MTMR3: variants seen among roughly 807,000 people sequenced by gnomAD.
MTMR3 encodes myotubularin related protein 3, also known as phosphatidylinositol-3,5-bisphosphate 3-phosphatase MTMR3.
Under a neutral mutation model 132.4 loss-of-function variants are expected in MTMR3, and 32 were observed. The ratio of observed to expected loss-of-function variants is 0.24; its 90% CI spans 0.18 to 0.32. The LOEUF (loss-of-function observed/expected upper bound fraction) is 0.32. Ranked by LOEUF, MTMR3 falls within the 10% of genes least tolerant of loss-of-function variation. The pLI, the probability that MTMR3 is intolerant of heterozygous loss-of-function variation, is 1.00. For missense variants in MTMR3, 1,216 were observed against 1,489.6 expected, an observed-to-expected ratio of 0.82 and a Z score of 3.02; for synonymous variants, 556 against 550.3, an observed-to-expected ratio of 1.01 and a Z score of -0.14.
intron 13 of MTMR3, 191 bp downstream of exon 13, chr22:30,012,754 C>T (rs1197864076): frequency 1.9e-6 from 1 of 535,990 alleles, no homozygotes; most frequent in African/African-American, 1.9e-5. Flanking sequence ...TAAAATGGGG[C>T]AGATTATGGG....
chr22:29,891,432 A>G (rs2064799024), intron 1 of MTMR3, among the ~76,000 whole-genome samples: 1 of 150,650 alleles, frequency 6.6e-6, no homozygotes, highest in Admixed American at 6.6e-5. Context: ...GTGTATGTAT[A>G]ATATGTATAT....
chr22:29,925,610 C>CA (rs1045740876), intron 1 of MTMR3, among the ~76,000 whole-genome samples: 1 of 150,944 alleles, frequency 6.6e-6, no homozygotes, highest in African/African-American at 2.4e-5. Context: ...CCATAAAACT[C>CA]AGTCTTTTAA....
Position 30,018,061 on chromosome 22 carries a change from C to T in MTMR3, c.1809C>T (p.Pro603=), listed in dbSNP as rs1434078910. 1.2e-6 allele frequency: 2 copies of T among 1,607,754 alleles called. No individual in the cohort carries two copies. The highest frequency in any genetic ancestry group is 1.7e-6 in the Non-Finnish European group (2 of 1,178,096). The change falls in exon 16 of 20, where the codon CCC becomes CCT. Residue 603 remains proline (P), a synonymous_variant. Transcript: ENST00000401950. ...CCCCAGGCACCAGCCCTGATGATCC[C>T]CCCCTGAGCCGGTGAGCCCAGGGTG... ...YPAPGTSPDD[P]PLSRLPKTRS...
intron 2 of MTMR3, among the ~76,000 whole-genome samples, chr22:29,968,179 T>A (rs746379268): frequency 2.4e-4 from 36 of 152,232 alleles, no homozygotes; most frequent in Non-Finnish European, 3.5e-4. Flanking sequence ...TCCTCAGAGG[T>A]TGTACCACTT....
chr22:29,894,888 G>A (rs966166543), intron 1 of MTMR3, among the ~76,000 whole-genome samples: 5 of 152,134 alleles, frequency 3.3e-5, no homozygotes, highest in African/African-American at 1.2e-4. Context: ...TAAGACATTT[G>A]TTATTATCGG....
Position 29,988,883 on chromosome 22 carries a change from G to A in MTMR3, c.293+321G>A, listed in dbSNP as rs187972036. 1.3e-4 allele frequency: 21 copies of A among 163,744 alleles called. No individual in the cohort carries two copies. In the East Asian group the frequency reaches 1.6e-3, roughly 12 times the overall value. 10.1% of individuals were successfully genotyped at this position (163,744 alleles called of 1,614,324 possible). A position where few individuals can be genotyped will look rare whatever the true frequency, so the allele number is the denominator to read the frequency against. ...CATTTGCTTTATTATTTGCAGAGGC[G>A]TGTGTGTATGTGTGTGTGTGTTTCT... On this transcript the variant is annotated intron_variant, in intron 6 of 19. Coordinates refer to ENST00000401950, the MANE Select transcript of MTMR3 (RefSeq NM_021090.4).
At chr22:29,966,722 TGTGC>T (rs200903760) in intron 2 of MTMR3, among the ~76,000 whole-genome samples, 1 of 98,350 alleles carries the variant, frequency 1.0e-5, no homozygotes, top group Admixed American at 1.0e-4. Flanking sequence ...CCTGTAGGGG[TGTGC>T]GTGTGTGTGT....
At chr22:29,902,602 T>C (rs2065022932) in intron 1 of MTMR3, among the ~76,000 whole-genome samples, 2 of 151,886 alleles carry the variant, frequency 1.3e-5, no homozygotes. Flanking sequence ...CTCCTGACCT[T>C]GTGATCCGCC....
rs931573053 is a variant in MTMR3, at chr22:30,028,268, G to C, written c.*2467G>C. ...GAGTGGAAGGAGATGTGGGGTGGGG[G>C]TGAGAAAATGCTTCTGCCTGTTGTT... On this transcript the variant is annotated 3_prime_UTR_variant, in exon 20 of 20. Coordinates refer to ENST00000401950, the MANE Select transcript of MTMR3 (RefSeq NM_021090.4). The C allele has an allele frequency of 1.3e-5, 2 of 152,418 alleles. No individual in the cohort carries two copies. The highest frequency in any genetic ancestry group is 4.8e-5 in the African/African-American group (2 of 41,454). 9.4% of individuals were successfully genotyped at this position (152,418 alleles called of 1,614,324 possible).
chr22:29,905,233 A>T (rs1021287566), intron 1 of MTMR3, among the ~76,000 whole-genome samples: 1 of 152,148 alleles, frequency 6.6e-6, no homozygotes, highest in African/African-American at 2.4e-5. Context: ...GCCCCTGTGG[A>T]ACCTGCCTAT....
At position 30,008,203 on chromosome 22, in the gene MTMR3, T is replaced by A. The variant is rs116972353; in HGVS notation, c.1009+171T>A. The stretch of plus-strand genomic sequence containing the variant: ...ATTCTTAACACTGTATGTTCTTTTC[T>A]GAGGAGAAATGGAGGAGGAGGTGCA... On this transcript the variant is annotated intron_variant, in intron 11 of 19. Coordinates refer to ENST00000401950, the MANE Select transcript of MTMR3 (RefSeq NM_021090.4). 1.3e-4 allele frequency: 104 copies of A among 790,250 alleles called. No individual in the cohort carries two copies. In the East Asian group the frequency reaches 2.6e-3, roughly 20 times the overall value. The allele number at this position is 790,250 out of a possible 1,614,324, so 49.0% of individuals were successfully genotyped here.
intron 1 of MTMR3, among the ~76,000 whole-genome samples, chr22:29,916,689 T>C (rs961037406): frequency 1.3e-5 from 2 of 152,230 alleles, no homozygotes. Context: ...TTTTTATAAA[T>C]ACAAGGTTTG....
rs780311462 is a variant in MTMR3 at position 30,020,293 on chromosome 22, G to A, written c.2634G>A (p.Gln878=). 29 of 1,614,084 alleles carry A rather than the reference G, an allele frequency of 1.8e-5. 1 individual carries two copies. In the Admixed American group the frequency reaches 2.0e-4, roughly 11 times the overall value. The change falls in exon 17 of 20, where the codon CAG becomes CAA. Residue 878 remains glutamine, a synonymous_variant. Coordinates refer to ENST00000401950, the MANE Select transcript of MTMR3 (RefSeq NM_021090.4). ...LVNSGKDRLP[Q]TMEPSPSETS... ...ATAGTGGCAAGGACAGGCTTCCTCAGACCATGGAACCCAGCCCTTCAGAGA... is the reference window on the plus strand; with the variant it reads ...ATAGTGGCAAGGACAGGCTTCCTCAAACCATGGAACCCAGCCCTTCAGAGA...
chr22:29,916,878 C>G (rs2065319153), intron 1 of MTMR3, among the ~76,000 whole-genome samples: 1 of 152,182 alleles, frequency 6.6e-6, no homozygotes, highest in South Asian at 2.1e-4. Flanking sequence ...TACCCTGGAT[C>G]TGCTACTTTA....
intron 8 of MTMR3, chr22:29,999,079 C>A (rs45629133): frequency 0.071 from 22,824 of 320,674 alleles, 995 homozygotes; most frequent in African/African-American, 0.092. Flanking sequence ...AGAACCTTCC[C>A]TTTTACCCCC....
At chr22:29,953,372 A>C (rs1478824675) in intron 1 of MTMR3, among the ~76,000 whole-genome samples, 1 of 152,140 alleles carries the variant, frequency 6.6e-6, no homozygotes, top group Non-Finnish European at 1.5e-5. Context: ...AAACGGTACA[A>C]ATTGGTGTGC....
intron 1 of MTMR3, among the ~76,000 whole-genome samples, chr22:29,911,528 G>A (rs533809884): frequency 1.2e-4 from 19 of 152,022 alleles, no homozygotes; most frequent in Middle Eastern, 6.8e-3. Context: ...GGGTGACAGA[G>A]TGAGACTGTG....
At chr22:29,916,699 G>A (rs899719672) in intron 1 of MTMR3, among the ~76,000 whole-genome samples, 3 of 152,164 alleles carry the variant, frequency 2.0e-5, no homozygotes, top group Non-Finnish European at 4.4e-5. Flanking sequence ...TACAAGGTTT[G>A]CATGATAAAG....
At chr22:29,937,417 A>AG (rs1373285631) in intron 1 of MTMR3, among the ~76,000 whole-genome samples, 2 of 107,892 alleles carry the variant, frequency 1.9e-5, no homozygotes, top group East Asian at 7.0e-4. Flanking sequence ...AAAACTTTGC[A>AG]GATTTTTTTT....
Sources: allele counts gnomAD v4.1 joint callset (sites outside exome capture counted in the v4.1 genomes callset), GRCh38; gene constraint gnomAD v4.1.1; transcripts MANE v1.5; gene names NCBI Gene and HGNC (gene_info 2026-07-23, HGNC 2026-07-21).